Variants in CDH9 observed in about 807,000 individuals in gnomAD.
The protein encoded by CDH9 is cadherin-9.
A neutral mutation model predicts 70.9 loss-of-function variants in CDH9; 28 were observed. The ratio of observed to expected loss-of-function variants is 0.40; its 90% CI spans 0.29 to 0.54. The LOEUF (loss-of-function observed/expected upper bound fraction) is 0.54, where lower values mean the gene tolerates loss of function less well. Ranked by LOEUF, CDH9 falls within the 20% of genes least tolerant of loss-of-function variation. The probability of loss-of-function intolerance (pLI) is 0.59; values close to 1 mark genes in which losing one functional copy is unlikely to be tolerated. For synonymous variants in CDH9, 409 were observed against 343.1 expected, an observed-to-expected ratio of 1.19 and a Z score of -2.12; for missense variants, 874 against 984.4, an observed-to-expected ratio of 0.89 and a Z score of 1.50.
chr5:27,027,592 G>A lies in CDH9; in HGVS notation c.-50+10871C>T, dbSNP rs151337414. ...AGAAGACTTTCTCAAACTCACACAT[G>A]AAGTATAGAGTATAACTAATTTTTG... On this transcript the variant is annotated intron_variant, in intron 1 of 11. Transcript: ENST00000231021. 1.1e-3 allele frequency among the ~76,000 whole-genome samples: 173 copies of A among 152,172 alleles called. 1 individual carries two copies. The highest frequency in any genetic ancestry group is 4.1e-3 in the African/African-American group (169 of 41,550).
At chr5:26,958,736 A>T (rs1173116669) in intron 2 of CDH9, among the ~76,000 whole-genome samples, 1 of 152,192 alleles carries the variant, frequency 6.6e-6, no homozygotes, top group Non-Finnish European at 1.5e-5. Context: ...AATTCACTGT[A>T]AAAGAAGGAT....
At chr5:27,037,629 G>A (rs1230394434) in intron 1 of CDH9, among the ~76,000 whole-genome samples, 1 of 151,878 alleles carries the variant, frequency 6.6e-6, no homozygotes, top group African/African-American at 2.4e-5. Flanking sequence ...TGGTGATCTT[G>A]AGCATGCGAT....
intron 2 of CDH9, among the ~76,000 whole-genome samples, chr5:26,918,717 T>G (rs1009643940): frequency 6.6e-6 from 1 of 152,220 alleles, no homozygotes; most frequent in Non-Finnish European, 1.5e-5. Context: ...TTTGCCTATC[T>G]GCAAGCCAAT....
chr5:26,947,376 A>G (rs1306410873), intron 2 of CDH9, among the ~76,000 whole-genome samples: 3 of 152,180 alleles, frequency 2.0e-5, no homozygotes, highest in Non-Finnish European at 4.4e-5. Flanking sequence ...TGGTGGCCCA[A>G]GCAGTCCCAC....
At chr5:26,974,941 A>G (rs1027474408) in intron 2 of CDH9, among the ~76,000 whole-genome samples, 1 of 152,090 alleles carries the variant, frequency 6.6e-6, no homozygotes, top group Non-Finnish European at 1.5e-5. Context: ...GAATCTATCC[A>G]TCCTATCACT....
intron 9 of CDH9, 125 bp from the exon 10 acceptor site, chr5:26,886,208 A>C: frequency 8.5e-7 from 1 of 1,175,578 alleles, no homozygotes; most frequent in Middle Eastern, 2.9e-4. Context: ...AAAACAAAAT[A>C]AATGCCATTT....
intron 2 of CDH9, among the ~76,000 whole-genome samples, chr5:26,930,269 T>G (rs1048062007): frequency 6.6e-6 from 1 of 152,240 alleles, no homozygotes; most frequent in Non-Finnish European, 1.5e-5. Context: ...TCTTTTTGTT[T>G]GTTATAAGTT....
chr5:27,012,033 T>C (rs977096492), intron 1 of CDH9, among the ~76,000 whole-genome samples: 4 of 151,980 alleles, frequency 2.6e-5, no homozygotes, highest in African/African-American at 9.7e-5. Flanking sequence ...ATAGGGACTT[T>C]TCAAATCTAT....
intron 2 of CDH9, among the ~76,000 whole-genome samples, chr5:26,960,510 T>A (rs1472816588): frequency 6.6e-6 from 1 of 151,974 alleles, no homozygotes; most frequent in African/African-American, 2.4e-5. Flanking sequence ...TATTCAGAGT[T>A]CAATTAGAAA....
intron 2 of CDH9, among the ~76,000 whole-genome samples, chr5:26,941,002 C>A (rs1741653307): frequency 1.3e-5 from 2 of 152,176 alleles, no homozygotes; most frequent in South Asian, 4.1e-4. Flanking sequence ...GTGCTTAGCA[C>A]AGAGTAGGGG....
chr5:26,991,671 G>A (rs1742581437), intron 1 of CDH9, among the ~76,000 whole-genome samples: 1 of 152,140 alleles, frequency 6.6e-6, no homozygotes, highest in African/African-American at 2.4e-5. Flanking sequence ...ATTCACATAT[G>A]TAGATATTTA....
At chr5:26,940,808 A>G (rs958394083) in intron 2 of CDH9, among the ~76,000 whole-genome samples, 5 of 152,244 alleles carry the variant, frequency 3.3e-5, no homozygotes, top group Admixed American at 6.5e-5. Context: ...AATTAACCTG[A>G]AAATATTACT....
intron 1 of CDH9, among the ~76,000 whole-genome samples, chr5:27,017,514 T>C (rs1336517076): frequency 6.6e-6 from 1 of 152,000 alleles, no homozygotes; most frequent in Non-Finnish European, 1.5e-5. Context: ...TGCCCCACAT[T>C]TAAGTAGGTG....
chr5:27,009,938 T>A (rs1050539446), intron 1 of CDH9, among the ~76,000 whole-genome samples: 7 of 152,180 alleles, frequency 4.6e-5, no homozygotes, highest in African/African-American at 1.7e-4. Context: ...TTATTGAGCT[T>A]TGTTAGGTGA....
intron 4 of CDH9, 99 bp downstream of exon 4, chr5:26,906,620 G>A: frequency 7.0e-7 from 1 of 1,428,658 alleles, no homozygotes. Context: ...ACATGAAACT[G>A]AAAGAATAAT....
At chr5:27,036,278 AG>A (rs1743390803) in intron 1 of CDH9, among the ~76,000 whole-genome samples, 1 of 151,912 alleles carries the variant, frequency 6.6e-6, no homozygotes, top group South Asian at 2.1e-4. Context: ...TGGCATGTAT[AG>A]GGGTTACAGG....
At chr5:26,916,659 G>T (rs944312931) in intron 2 of CDH9, among the ~76,000 whole-genome samples, 1 of 151,740 alleles carries the variant, frequency 6.6e-6, no homozygotes, top group African/African-American at 2.4e-5. Flanking sequence ...TATTTACTGT[G>T]GGTAATTAAA....
chr5:26,963,375 ACT>A (rs1179081653), intron 2 of CDH9, among the ~76,000 whole-genome samples: 1 of 152,116 alleles, frequency 6.6e-6, no homozygotes, highest in Non-Finnish European at 1.5e-5. Context: ...TATGTCTGAG[ACT>A]CTCAAAATGT....
intron 11 of CDH9, among the ~76,000 whole-genome samples, chr5:26,884,589 A>G (rs1488133793): frequency 6.6e-6 from 1 of 152,182 alleles, no homozygotes; most frequent in African/African-American, 2.4e-5. Context: ...ATGTTTTTCA[A>G]AATAGTTGGA....
Sources: gnomAD v4.1 joint callset for allele counts (sites outside exome capture counted in the v4.1 genomes callset) on GRCh38, gnomAD v4.1.1 for gene constraint, MANE v1.5 for transcripts, NCBI Gene and HGNC (gene_info 2026-07-23, HGNC 2026-07-21) for gene names.